CDKAL1: variants seen among roughly 807,000 people sequenced by gnomAD.
CDKAL1 encodes CDKAL1 threonylcarbamoyladenosine tRNA methylthiotransferase.
In CDKAL1, 32 loss-of-function variants were observed where a neutral mutation model predicts 68.2. The ratio of observed to expected loss-of-function variants is 0.47; its 90% confidence interval spans 0.35 to 0.63. The LOEUF (loss-of-function observed/expected upper bound fraction) is 0.63. Among genes scored for constraint, CDKAL1 ranks in the 30% least tolerant of loss-of-function variants. The pLI is 0.00. For synonymous variants in CDKAL1, 234 were observed against 244.3 expected (o/e 0.96, Z 0.39); for missense variants, 606 against 696.7 (o/e 0.87, Z 1.47).
Position 20,710,271 on chromosome 6 carries a change from C to T in CDKAL1, c.372-29248C>T, listed in dbSNP as rs564825000. Among the ~76,000 whole-genome samples the T allele has an allele frequency of 2.6e-5, 4 of 152,216 alleles. No homozygotes were observed. The East Asian group carries it at 5.8e-4, about 22-fold the overall frequency. ...TAGAAAGTAGGTACAGTCATGTGTC[C>T]CATGATCCCGTGATGTTTCAGCCAT... On this transcript the variant is annotated intron_variant, in intron 5 of 15. Coordinates refer to ENST00000274695, the MANE Select transcript of CDKAL1 (RefSeq NM_017774.3).
At chr6:20,607,235 A>T (rs757098986) in intron 4 of CDKAL1, among the ~76,000 whole-genome samples, 1 of 152,248 alleles carries the variant, frequency 6.6e-6, no homozygotes, top group Non-Finnish European at 1.5e-5. Flanking sequence ...TGTCTAACCT[A>T]GGTGTTGTGT....
At chr6:20,624,543 C>T (rs1767343419) in intron 4 of CDKAL1, among the ~76,000 whole-genome samples, 1 of 152,014 alleles carries the variant, frequency 6.6e-6, no homozygotes, top group African/African-American at 2.4e-5. Context: ...TGCTTCTCTT[C>T]ACCTTAATGT....
At chr6:21,079,129 C>A (rs1772244024) in intron 12 of CDKAL1, among the ~76,000 whole-genome samples, 3 of 152,126 alleles carry the variant, frequency 2.0e-5, no homozygotes, top group South Asian at 2.1e-4. Flanking sequence ...GAATAAAATT[C>A]ATTCCCATTG....
intron 14 of CDKAL1, 58 bp from the exon 15 acceptor site, chr6:21,201,052 G>A (rs1171333375): frequency 2.0e-6 from 3 of 1,471,186 alleles, no homozygotes; most frequent in Non-Finnish European, 2.8e-6. Flanking sequence ...ATCTGAAACT[G>A]TTCTAAAGTA....
intron 13 of CDKAL1, among the ~76,000 whole-genome samples, chr6:21,110,643 T>C (rs1365752465): frequency 6.6e-6 from 1 of 152,188 alleles, no homozygotes; most frequent in Non-Finnish European, 1.5e-5. Context: ...TTTTATGAAA[T>C]ACAACATCAG....
intron 12 of CDKAL1, among the ~76,000 whole-genome samples, chr6:21,099,082 C>A (rs1773457955): frequency 6.6e-6 from 1 of 152,076 alleles, no homozygotes; most frequent in Admixed American, 6.6e-5. Context: ...TTTTTAAAAC[C>A]CCAACTCCTG....
At chr6:20,960,784 T>G (rs954872550) in intron 10 of CDKAL1, among the ~76,000 whole-genome samples, 2 of 152,244 alleles carry the variant, frequency 1.3e-5, no homozygotes, top group East Asian at 1.9e-4. Context: ...TGAGTCACAT[T>G]TCTGTGAAGA....
chr6:21,216,816 C>T (rs1050534584), intron 15 of CDKAL1, among the ~76,000 whole-genome samples: 3 of 152,220 alleles, frequency 2.0e-5, no homozygotes, highest in Non-Finnish European at 4.4e-5. Context: ...TTCTAACTTA[C>T]ATCACATCAG....
intron 2 of CDKAL1, 103 bp from the exon 3 acceptor site, chr6:20,546,243 C>T (rs1042265209): frequency 4.8e-6 from 4 of 841,416 alleles, no homozygotes; most frequent in Admixed American, 5.0e-5. Context: ...AAGTTAGATC[C>T]AAAGGCTTGA....
rs556165607 is a variant in CDKAL1 at position 20,669,347 on chromosome 6, T to C, written c.371+19970T>C. On this transcript the variant is annotated intron_variant, in intron 5 of 15. Coordinates refer to ENST00000274695, the MANE Select transcript of CDKAL1 (RefSeq NM_017774.3). Reference sequence around the variant, plus strand: ...AAGAAGAGCTACAGAATGAGTCTCTTTTCTCTCATTTATTTATGTATTCAA... The same window carrying C: ...AAGAAGAGCTACAGAATGAGTCTCTCTTCTCTCATTTATTTATGTATTCAA... Among the ~76,000 whole-genome samples the C allele has an allele frequency of 2.0e-5, 3 of 152,296 alleles. No individual in the cohort carries two copies. In the South Asian group the frequency reaches 6.2e-4, roughly 32 times the overall value.
chr6:21,049,694 C>T (rs531859550), intron 11 of CDKAL1, among the ~76,000 whole-genome samples: 1 of 152,182 alleles, frequency 6.6e-6, no homozygotes, highest in South Asian at 2.1e-4. Context: ...TTTTAGTTAG[C>T]AGTGATGATT....
chr6:20,740,008 C>T (rs1046702841), intron 6 of CDKAL1, among the ~76,000 whole-genome samples: 6 of 152,144 alleles, frequency 3.9e-5, no homozygotes, highest in Non-Finnish European at 8.8e-5. Flanking sequence ...TTATACCTAC[C>T]ACCACAAGTC....
chr6:20,633,747 G>T (rs970644585), intron 4 of CDKAL1, among the ~76,000 whole-genome samples: 2 of 152,054 alleles, frequency 1.3e-5, no homozygotes, highest in Non-Finnish European at 2.9e-5. Context: ...ATCTCATTGT[G>T]GTTTTAATTT....
At chr6:20,723,897 C>A (rs1470357223) in intron 5 of CDKAL1, among the ~76,000 whole-genome samples, 3 of 152,150 alleles carry the variant, frequency 2.0e-5, no homozygotes, top group African/African-American at 7.2e-5. Context: ...AGATTCTTAT[C>A]TTTCCCAGGA....
intron 6 of CDKAL1, among the ~76,000 whole-genome samples, chr6:20,751,102 T>G: frequency 6.6e-6 from 1 of 152,128 alleles, no homozygotes; most frequent in East Asian, 1.9e-4. Context: ...ATGTTAGCTG[T>G]CACTGTGTTA....
At chr6:20,665,265 T>G (rs1367839405) in intron 5 of CDKAL1, among the ~76,000 whole-genome samples, 3 of 152,268 alleles carry the variant, frequency 2.0e-5, no homozygotes, top group Admixed American at 6.5e-5. Context: ...TTGAATAATA[T>G]AATCTATGCA....
chr6:20,795,196 C>T (rs997842834), intron 8 of CDKAL1, among the ~76,000 whole-genome samples: 2 of 152,000 alleles, frequency 1.3e-5, no homozygotes, highest in Non-Finnish European at 2.9e-5. Context: ...TTTCTAGTAC[C>T]TAATAGTTAC....
chr6:20,735,903 T>C (rs1209733152), intron 5 of CDKAL1, among the ~76,000 whole-genome samples: 1 of 152,222 alleles, frequency 6.6e-6, no homozygotes, highest in Non-Finnish European at 1.5e-5. Context: ...TCTATAAAAC[T>C]GTAATGTTTT....
At chr6:21,138,235 GTC>G (rs1491040656) in intron 13 of CDKAL1, among the ~76,000 whole-genome samples, 9 of 131,654 alleles carry the variant, frequency 6.8e-5, no homozygotes, top group East Asian at 4.3e-4. Context: ...GTATGTGTGT[GTC>G]TGTGTGTGTG....
Sources: allele counts gnomAD v4.1 joint callset (sites outside exome capture counted in the v4.1 genomes callset), GRCh38; gene constraint gnomAD v4.1.1; transcripts MANE v1.5; gene names NCBI Gene and HGNC (gene_info 2026-07-23, HGNC 2026-07-21).